SCN1A: variants seen among roughly 807,000 people sequenced by gnomAD.
SCN1A encodes sodium channel protein type 1 subunit alpha.
A neutral mutation model predicts 193.7 loss-of-function variants in SCN1A; 13 were observed. The ratio of observed to expected loss-of-function variants is 0.07; its 90% CI spans 0.04 to 0.11. The LOEUF (loss-of-function observed/expected upper bound fraction) is 0.11. SCN1A is among the 10% of genes least tolerant of loss of function. The probability of loss-of-function intolerance (pLI) is 1.00; values close to 1 mark genes in which losing one functional copy is unlikely to be tolerated. For missense variants in SCN1A, 1,432 were observed against 2,451.1 expected, an observed-to-expected ratio of 0.58 and a Z score of 8.78; for synonymous variants, 781 against 843.6, an observed-to-expected ratio of 0.93 and a Z score of 1.29.
intron 4 of SCN1A, among the ~76,000 whole-genome samples, chr2:166,073,097 C>T (rs1229309055): frequency 6.6e-6 from 1 of 152,116 alleles, no homozygotes; most frequent in African/African-American, 2.4e-5. Flanking sequence ...CTCGGCCCCT[C>T]AAAGTGCTGG....
At chr2:166,015,879 TA>T (rs1246675301) in intron 19 of SCN1A, 152 bp from the exon 20 acceptor site, 4 of 789,654 alleles carry the variant, frequency 5.1e-6, no homozygotes, top group Admixed American at 2.4e-5. Flanking sequence ...GGGGAAGAAA[TA>T]AGAAAATCAT....
rs145101180 is a variant in SCN1A, at chr2:166,039,591, G to A, written c.2421C>T (p.Phe807=). The A allele has an allele frequency of 1.1e-3, 1,763 of 1,613,352 alleles. 11 individuals are homozygous for A. Among genetic ancestry groups the A allele is most frequent in the South Asian group, 8.1e-3 (738 of 91,018 alleles). ...NNVLTVGNLV[F]TGIFTAEMFL... is the part of the protein sequence containing the mutation. Reference sequence around the variant, plus strand: ...ACATTTCTGCTGTAAAGATCCCAGTGAAAACCTAAGATCAAAACAAAATTA... The same window carrying A: ...ACATTTCTGCTGTAAAGATCCCAGTAAAAACCTAAGATCAAAACAAAATTA... The change falls in exon 17 of 29, where the codon TTC becomes TTT. Residue 807 remains phenylalanine, a synonymous_variant. Coordinates refer to ENST00000674923, the MANE Select transcript of SCN1A (RefSeq NM_001165963.4).
upstream of SCN1A, among the ~76,000 whole-genome samples, chr2:166,132,049 G>A (rs1012789839): frequency 2.0e-5 from 3 of 152,246 alleles, no homozygotes; most frequent in Admixed American, 6.5e-5. Context: ...TCTTCCCACC[G>A]CAGGAAAGGA....
intron 4 of SCN1A, among the ~76,000 whole-genome samples, chr2:166,068,170 G>T (rs1684044531): frequency 6.6e-6 from 1 of 152,112 alleles, no homozygotes; most frequent in Admixed American, 6.5e-5. Context: ...TGGGTATTTT[G>T]ATATTAAAAC....
At position 165,991,684 on chromosome 2, in the gene SCN1A, C is replaced by T. The variant is rs772165754; in HGVS notation, c.5591G>A (p.Cys1864Tyr). Reference protein sequence around the residue: ...LPMVSGDRIHCLDILFAFTKR... With the variant: ...LPMVSGDRIHYLDILFAFTKR... ...TGTAAAAGCAAATAAGATATCAAGA[C>T]AGTGGATCCGGTCACCACTCACCAT... Residue 1864 changes from cysteine (C) to tyrosine (Y), a missense_variant, in exon 29 of 29, where the codon TGT becomes TAT. Coordinates refer to ENST00000674923, the MANE Select transcript of SCN1A (RefSeq NM_001165963.4). 1 of 1,613,946 alleles carries T rather than the reference C, an allele frequency of 6.2e-7. No homozygotes were observed. Among genetic ancestry groups the T allele is most frequent in the Non-Finnish European group, 8.5e-7 (1 of 1,179,922 alleles).
At chr2:166,044,277 C>A (rs897410199) in intron 13 of SCN1A, among the ~76,000 whole-genome samples, 2 of 151,906 alleles carry the variant, frequency 1.3e-5, no homozygotes, top group African/African-American at 4.8e-5. Context: ...TAGATTGCAA[C>A]CTTAACATAT....
At chr2:166,129,499 T>C (rs1691556880), upstream of SCN1A, among the ~76,000 whole-genome samples, 1 of 152,184 alleles carries the variant, frequency 6.6e-6, no homozygotes, top group Non-Finnish European at 1.5e-5. Flanking sequence ...CAAAAGCCAG[T>C]TGGAGTAGCA....
rs778706465 is a variant in SCN1A, at chr2:165,992,087, G to A, written c.5188C>T (p.Leu1730=). The change falls in exon 29 of 29, where the codon CTA becomes TTA. Residue 1730 remains leucine (L), a synonymous_variant. Coordinates refer to ENST00000674923, the MANE Select transcript of SCN1A (RefSeq NM_001165963.4). This position sits in a 1 kb window ranked among gnomAD's most constrained non-coding sequence, Gnocchi z 6.5. ...ITTSAGWDGL[L]APILNSKPPD... Reference sequence around the variant, plus strand: ...GGCTTACTGTTGAGAATGGGTGCTAGCAATCCATCCCAGCCAGCAGAGGTT... The same window carrying A: ...GGCTTACTGTTGAGAATGGGTGCTAACAATCCATCCCAGCCAGCAGAGGTT... The A allele has an allele frequency of 6.8e-6, 11 of 1,613,934 alleles. No homozygotes were observed. The South Asian group carries it at 1.2e-4, about 18-fold the overall frequency.
chr2:166,045,386 A>G, intron 12 of SCN1A, 59 bp from the exon 13 acceptor site: 2 of 1,563,290 alleles, frequency 1.3e-6, no homozygotes, highest in Non-Finnish European at 8.8e-7. Flanking sequence ...CTTTCTTTGA[A>G]AGGGCTGAAG....
intron 2 of SCN1A, among the ~76,000 whole-genome samples, chr2:166,088,303 A>G (rs531611400): frequency 1.3e-5 from 2 of 152,360 alleles, no homozygotes; most frequent in East Asian, 3.9e-4. Context: ...ACAATGGAAT[A>G]TAAAGTTCAA....
At chr2:166,037,655 CTTT>C in intron 18 of SCN1A, 118 bp downstream of exon 18, 7 of 860,828 alleles carry the variant, frequency 8.1e-6, no homozygotes, top group Non-Finnish European at 1.1e-5. Flanking sequence ...AAATTATACT[CTTT>C]TTTTTTATTA....
At chr2:166,101,217 G>A (rs963094338) in intron 2 of SCN1A, among the ~76,000 whole-genome samples, 1 of 151,730 alleles carries the variant, frequency 6.6e-6, no homozygotes, top group Non-Finnish European at 1.5e-5. Context: ...TAGGGACATG[G>A]ATGCAATTGG....
chr2:165,989,441 A>G lies in SCN1A; in HGVS notation c.*1804T>C, dbSNP rs1262933498. On this transcript the variant is annotated 3_prime_UTR_variant, in exon 29 of 29. Coordinates refer to ENST00000674923, the MANE Select transcript of SCN1A (RefSeq NM_001165963.4). ...AGCAGCATTACTCCAAAGAAATGAA[A>G]ACATAAACCGAAGTCAGAAAAAAAG... 1.3e-5 allele frequency: 2 copies of G among 152,394 alleles called. No homozygotes were observed. The highest frequency in any genetic ancestry group is 6.6e-5 in the Admixed American group (1 of 15,266). 9.4% of individuals were successfully genotyped at this position (152,394 alleles called of 1,614,324 possible).
Position 165,999,724 on chromosome 2 carries a change from T to A in SCN1A, c.4337A>T (p.Asn1446Ile). The A allele has an allele frequency of 6.2e-7, 1 of 1,601,072 alleles. No individual in the cohort carries two copies. Among genetic ancestry groups the A allele is most frequent in the Non-Finnish European group, 8.6e-7 (1 of 1,169,288 alleles). ...DIMYAAVDSR[N>I]VELQPKYEES... is the part of the protein sequence containing the mutation. ...ACTTAGAATACAAGGAATACTTACA[T>A]TTCTGGAATCAACTGCTGCATACAT... Residue 1446 changes from asparagine to isoleucine, a missense_variant and splice_region_variant, in exon 25 of 29, where the codon AAT becomes ATT. By Grantham distance (149) the Asn-to-Ile change is moderately radical. Transcript: ENST00000674923.
rs1252577178 is a variant in SCN1A at position 165,988,413 on chromosome 2, G to A, written c.*2832C>T. 6.6e-6 allele frequency: 1 copy of A among 152,168 alleles called. No individual in the cohort carries two copies. The highest frequency in any genetic ancestry group is 1.5e-5 in the Non-Finnish European group (1 of 68,066). 9.4% of individuals were successfully genotyped at this position (152,168 alleles called of 1,614,324 possible). A position where few individuals can be genotyped will look rare whatever the true frequency, so the allele number is the denominator to read the frequency against. On this transcript the variant is annotated 3_prime_UTR_variant, in exon 29 of 29. Coordinates refer to ENST00000674923, the MANE Select transcript of SCN1A (RefSeq NM_001165963.4). ...TTTACAAAAGTGTCAGCAATGTTAG[G>A]AGAAAGCTACAAGGAATACAAAAGC...
chr2:166,098,303 C>T (rs1456359492), intron 2 of SCN1A, among the ~76,000 whole-genome samples: 1 of 152,128 alleles, frequency 6.6e-6, no homozygotes, highest in African/African-American at 2.4e-5. Context: ...GCGGAAAAGG[C>T]TTTCAATAAA....
chr2:166,042,434 A>C lies in SCN1A; in HGVS notation c.2044-10T>G. ...TTTCAGTGGTTGTTCCCTGTAAAAA[A>C]AAATGCTAATGCATTAAACAATTAA... On this transcript the variant is annotated splice_polypyrimidine_tract_variant and intron_variant, in intron 14 of 28. Coordinates refer to ENST00000674923, the MANE Select transcript of SCN1A (RefSeq NM_001165963.4). The C allele has an allele frequency of 6.2e-7, 1 of 1,613,562 alleles. No individual in the cohort carries two copies. The highest frequency in any genetic ancestry group is 8.5e-7 in the Non-Finnish European group (1 of 1,179,700).
At chr2:166,082,458 A>G (rs1685633070) in intron 2 of SCN1A, among the ~76,000 whole-genome samples, 1 of 149,568 alleles carries the variant, frequency 6.7e-6, no homozygotes, top group African/African-American at 2.5e-5. Context: ...TAATTGATCT[A>G]GGTCTCTCCA....
At chr2:166,072,200 C>A (rs1018411417) in intron 4 of SCN1A, among the ~76,000 whole-genome samples, 1 of 152,046 alleles carries the variant, frequency 6.6e-6, no homozygotes, top group Non-Finnish European at 1.5e-5. Context: ...ATCTTTGTGC[C>A]CTACCTTTCC....
Sources: gnomAD v4.1 joint callset for allele counts (sites outside exome capture counted in the v4.1 genomes callset) on GRCh38, gnomAD v4.1.1 for gene constraint, Gnocchi (gnomAD v3.1) non-coding constraint, MANE v1.5 for transcripts, NCBI Gene and HGNC (gene_info 2026-07-23, HGNC 2026-07-21) for gene names.